PARD3B: variants seen among roughly 807,000 people sequenced by gnomAD.
PARD3B encodes par-3 family cell polarity regulator beta.
A neutral mutation model predicts 130.2 loss-of-function variants in PARD3B; 103 were observed. The ratio of observed to expected loss-of-function variants is 0.79; its 90% CI spans 0.67 to 0.93. The LOEUF (loss-of-function observed/expected upper bound fraction) is 0.93, where lower values mean the gene tolerates loss of function less well. Ranked by LOEUF, PARD3B falls within the 40% of genes least tolerant of loss-of-function variation. The probability of loss-of-function intolerance (pLI) is 0.00; values close to 1 mark genes in which losing one functional copy is unlikely to be tolerated. For missense variants in PARD3B, 1,609 were observed against 1,499.2 expected (o/e 1.07, Z -1.21); for synonymous variants, 583 against 553.2 (o/e 1.05, Z -0.76).
chr2:204,666,021 G>A (rs951631888), intron 1 of PARD3B, among the ~76,000 whole-genome samples: 1 of 152,124 alleles, frequency 6.6e-6, no homozygotes, highest in Non-Finnish European at 1.5e-5. Flanking sequence ...ACCATTCTTT[G>A]TCTGAATATG....
chr2:204,721,543 AT>A (rs1241677692), intron 2 of PARD3B, among the ~76,000 whole-genome samples: 1 of 152,182 alleles, frequency 6.6e-6, no homozygotes, highest in Non-Finnish European at 1.5e-5. Context: ...TAAATTAGAT[AT>A]AGATTAAGAG....
At chr2:204,617,235 T>C (rs7609521) in intron 1 of PARD3B, among the ~76,000 whole-genome samples, 107,592 of 152,054 alleles carry the variant, frequency 0.71, 38,941 homozygotes, top group Middle Eastern at 0.79. Flanking sequence ...TCTGTGGAAA[T>C]CAGCTGGCCT....
At chr2:205,097,227 T>C (rs186728399) in intron 4 of PARD3B, among the ~76,000 whole-genome samples, 54 of 152,260 alleles carry the variant, frequency 3.5e-4, no homozygotes, top group Admixed American at 1.4e-3. Context: ...GAAGACATTA[T>C]TATAGGTTTT....
intron 20 of PARD3B, among the ~76,000 whole-genome samples, chr2:205,495,405 G>T (rs1372623206): frequency 6.6e-6 from 1 of 152,100 alleles, no homozygotes; most frequent in Admixed American, 6.6e-5. Context: ...TTGTAAGGAT[G>T]GCCAGGGCTT....
intron 22 of PARD3B, among the ~76,000 whole-genome samples, chr2:205,606,411 C>A (rs1240266230): frequency 1.3e-5 from 2 of 152,170 alleles, no homozygotes; most frequent in African/African-American, 4.8e-5. Context: ...CCCTGCTTTT[C>A]CTTGCTCTCC....
intron 20 of PARD3B, among the ~76,000 whole-genome samples, chr2:205,451,453 C>G (rs2048101035): frequency 6.6e-6 from 1 of 152,120 alleles, no homozygotes; most frequent in Non-Finnish European, 1.5e-5. Context: ...TCTATGGAAT[C>G]CACCACAAAT....
chr2:205,314,129 G>A (rs1221403599), intron 18 of PARD3B, among the ~76,000 whole-genome samples: 2 of 152,104 alleles, frequency 1.3e-5, no homozygotes, highest in Non-Finnish European at 2.9e-5. Flanking sequence ...ATAATGACAT[G>A]TATAGATTTA....
intron 2 of PARD3B, among the ~76,000 whole-genome samples, chr2:204,758,017 A>G (rs1046334446): frequency 6.6e-6 from 1 of 152,124 alleles, no homozygotes; most frequent in African/African-American, 2.4e-5. Flanking sequence ...GATGACAACT[A>G]TTTATCTCAC....
At chr2:204,999,458 G>A (rs1333171609) in intron 3 of PARD3B, among the ~76,000 whole-genome samples, 1 of 152,258 alleles carries the variant, frequency 6.6e-6, no homozygotes, top group East Asian at 1.9e-4. Context: ...GCTATAGAAT[G>A]TACCAAGAAA....
intron 2 of PARD3B, among the ~76,000 whole-genome samples, chr2:204,925,596 G>A (rs1687552194): frequency 6.6e-6 from 1 of 152,092 alleles, no homozygotes; most frequent in Admixed American, 6.5e-5. Context: ...AGTCAAAACT[G>A]TTTTTCAGAA....
intron 3 of PARD3B, among the ~76,000 whole-genome samples, chr2:204,977,673 A>AT (rs1331065570): frequency 6.6e-6 from 1 of 151,974 alleles, no homozygotes; most frequent in Admixed American, 6.6e-5. Context: ...TTCTCTGGGC[A>AT]TGGTGGCGGG....
chr2:205,193,553 T>C (rs77213696), intron 15 of PARD3B, among the ~76,000 whole-genome samples: 1 of 152,186 alleles, frequency 6.6e-6, no homozygotes, highest in South Asian at 2.1e-4. Context: ...ATCTATAAAC[T>C]ATCCTCCCAT....
At chr2:205,239,202 G>C (rs1170737832) in intron 15 of PARD3B, among the ~76,000 whole-genome samples, 1 of 151,734 alleles carries the variant, frequency 6.6e-6, no homozygotes, top group African/African-American at 2.4e-5. Context: ...GTCAAAGCTT[G>C]GGATCTTCCT....
Position 205,329,895 on chromosome 2 carries a change from G to A in PARD3B, c.2630+28194G>A, listed in dbSNP as rs577211070. Among the ~76,000 whole-genome samples, 15 of 152,276 alleles carry A rather than the reference G, an allele frequency of 9.9e-5. No individual in the cohort carries two copies. In the East Asian group the frequency reaches 2.7e-3, roughly 28 times the overall value. On this transcript the variant is annotated intron_variant, in intron 18 of 22. Coordinates refer to ENST00000406610, the MANE Select transcript of PARD3B (RefSeq NM_001302769.2). Reference sequence around the variant, plus strand: ...TGTAATCCCAGCTACTCGGGAGGCTGAGGCAAGAGAATCACTTGAACTAGT... The same window carrying A: ...TGTAATCCCAGCTACTCGGGAGGCTAAGGCAAGAGAATCACTTGAACTAGT...
chr2:204,989,746 T>C (rs951742270), intron 3 of PARD3B, among the ~76,000 whole-genome samples: 1 of 152,154 alleles, frequency 6.6e-6, no homozygotes. Flanking sequence ...CTCCTTAATA[T>C]TGCACTCCTA....
chr2:205,467,070 C>G (rs1163289174), intron 20 of PARD3B, among the ~76,000 whole-genome samples: 2 of 152,200 alleles, frequency 1.3e-5, no homozygotes, highest in Non-Finnish European at 2.9e-5. Context: ...TAAAGTATAT[C>G]ATCTCCATTG....
intron 2 of PARD3B, among the ~76,000 whole-genome samples, chr2:204,824,440 C>G (rs62177852): frequency 6.6e-6 from 1 of 152,130 alleles, no homozygotes; most frequent in Non-Finnish European, 1.5e-5. Context: ...TTAGGAATAG[C>G]TCAGTGGCTC....
rs1033489134 is a variant in PARD3B at position 205,187,962 on chromosome 2, A to G, written c.2024+2099A>G. ...AAGTCATTTATTCACTTACTCATCCATTCAAAAGTATTTCTGGAGCTCTGA... is the reference window on the plus strand; with the variant it reads ...AAGTCATTTATTCACTTACTCATCCGTTCAAAAGTATTTCTGGAGCTCTGA... On this transcript the variant is annotated intron_variant, in intron 14 of 22. Coordinates refer to ENST00000406610, the MANE Select transcript of PARD3B (RefSeq NM_001302769.2). The surrounding 1 kb of genome is among the most constrained non-coding windows in gnomAD (Gnocchi z 4.9). 2.6e-5 allele frequency among the ~76,000 whole-genome samples: 4 copies of G among 152,216 alleles called. No homozygotes were observed. The highest frequency in any genetic ancestry group is 3.8e-4 in the East Asian group (2 of 5,196).
At chr2:205,181,518 C>T (rs1327336282) in intron 13 of PARD3B, among the ~76,000 whole-genome samples, 1 of 152,214 alleles carries the variant, frequency 6.6e-6, no homozygotes, top group African/African-American at 2.4e-5. Context: ...TCTCTGTCAT[C>T]ACTCAATTCT....
Sources: allele counts gnomAD v4.1 joint callset (sites outside exome capture counted in the v4.1 genomes callset), GRCh38; gene constraint gnomAD v4.1.1; non-coding constraint Gnocchi (gnomAD v3.1); transcripts MANE v1.5; gene names NCBI Gene and HGNC (gene_info 2026-07-23, HGNC 2026-07-21).